Variants in LTBP1 observed in about 807,000 individuals in gnomAD.
The protein encoded by LTBP1 is latent transforming growth factor beta binding protein 1, also known as latent-transforming growth factor beta-binding protein 1.
A neutral mutation model predicts 207.6 loss-of-function variants in LTBP1; 129 were observed. The ratio of observed to expected loss-of-function variants is 0.62; its 90% confidence interval spans 0.54 to 0.72. The LOEUF (loss-of-function observed/expected upper bound fraction) is 0.72, where lower values mean the gene tolerates loss of function less well. Among genes scored for constraint, LTBP1 ranks in the 30% least tolerant of loss-of-function variants. The probability of loss-of-function intolerance (pLI) is 0.00; values close to 1 mark genes in which losing one functional copy is unlikely to be tolerated. For missense variants in LTBP1, 2,281 were observed against 2,217.2 expected (o/e 1.03, Z -0.58); for synonymous variants, 963 against 833.7 (o/e 1.16, Z -2.67).
intron 4 of LTBP1, among the ~76,000 whole-genome samples, chr2:33,126,170 A>C (rs2081421199): frequency 6.6e-6 from 1 of 152,082 alleles, no homozygotes. Context: ...AGACCACGAC[A>C]GAAGCCACAG....
intron 3 of LTBP1, among the ~76,000 whole-genome samples, chr2:33,023,341 AC>A (rs1401358365): frequency 5.3e-5 from 8 of 152,168 alleles, no homozygotes; most frequent in African/African-American, 1.9e-4. Context: ...GTTAGTAAGA[AC>A]CGTATGTCGG....
intron 31 of LTBP1, among the ~76,000 whole-genome samples, chr2:33,382,182 C>T (rs2095223907): frequency 6.9e-6 from 1 of 145,800 alleles, no homozygotes; most frequent in Non-Finnish European, 1.5e-5. Flanking sequence ...GCAACCTCCA[C>T]CTCCCGAGTT....
intron 9 of LTBP1, among the ~76,000 whole-genome samples, chr2:33,231,849 T>C (rs2091809649): frequency 6.6e-6 from 1 of 152,198 alleles, no homozygotes; most frequent in Non-Finnish European, 1.5e-5. Context: ...GGGAAAACAC[T>C]TACTGGATTT....
intron 3 of LTBP1, among the ~76,000 whole-genome samples, chr2:33,091,868 CT>C (rs2079114137): frequency 2.0e-5 from 3 of 152,172 alleles, no homozygotes; most frequent in Non-Finnish European, 4.4e-5. Flanking sequence ...TGGAGTTCCA[CT>C]TTCAGAGTGA....
intron 2 of LTBP1, among the ~76,000 whole-genome samples, chr2:33,004,815 A>ATATATATATATATATAT (rs1558501551): frequency 1.4e-5 from 2 of 143,628 alleles, no homozygotes; most frequent in Non-Finnish European, 3.0e-5. Context: ...ATATATATAT[A>ATATATATATATATATAT]AACATAAAAT....
At chr2:33,211,463 C>A (rs2090305615) in intron 7 of LTBP1, among the ~76,000 whole-genome samples, 2 of 152,206 alleles carry the variant, frequency 1.3e-5, no homozygotes, top group Admixed American at 1.3e-4. Flanking sequence ...GGACAAGCAT[C>A]ATTTAATCTC....
rs888242889 is a variant in LTBP1, at chr2:33,134,383, T to G, written c.1034-410T>G. ...TATGCAAGTTGAGGACACAAGAGTT[T>G]ATTCACCGCTAGGTGCACGGCCAAC... On this transcript the variant is annotated intron_variant, in intron 4 of 33. Transcript: ENST00000404816. The surrounding 1 kb of genome is among the most constrained non-coding windows in gnomAD (Gnocchi z 4.4). The G allele has an allele frequency of 8.2e-6, 4 of 485,232 alleles. No individual in the cohort carries two copies. The highest frequency in any genetic ancestry group is 7.9e-5 in the African/African-American group (4 of 50,672). The allele number at this position is 485,232 out of a possible 1,614,324, so 30.1% of individuals were successfully genotyped here.
intron 24 of LTBP1, among the ~76,000 whole-genome samples, chr2:33,319,798 C>A (rs1034521619): frequency 2.6e-5 from 4 of 152,202 alleles, no homozygotes; most frequent in African/African-American, 9.6e-5. Context: ...ACAGAGGGAG[C>A]ACCAGCAGCT....
intron 3 of LTBP1, among the ~76,000 whole-genome samples, chr2:33,082,450 T>A (rs1056087453): frequency 6.2e-4 from 84 of 136,230 alleles, no homozygotes; most frequent in Middle Eastern, 3.6e-3. Flanking sequence ...TTTTTTTTTT[T>A]TTTTTTTTTT....
intron 2 of LTBP1, among the ~76,000 whole-genome samples, chr2:32,970,509 A>G (rs548602807): frequency 6.6e-6 from 1 of 152,296 alleles, no homozygotes; most frequent in East Asian, 1.9e-4. Flanking sequence ...CATTTATTGA[A>G]TAAGGAGTCT....
intron 2 of LTBP1, among the ~76,000 whole-genome samples, chr2:32,997,040 A>G (rs559996985): frequency 6.6e-6 from 1 of 152,198 alleles, no homozygotes; most frequent in African/African-American, 2.4e-5. Context: ...GCACACCACC[A>G]TGCCTGGCTA....
At chr2:32,979,489 T>C (rs905529455) in intron 2 of LTBP1, among the ~76,000 whole-genome samples, 1 of 152,164 alleles carries the variant, frequency 6.6e-6, no homozygotes, top group African/African-American at 2.4e-5. Flanking sequence ...TTCCATGTGT[T>C]TGTATAGTTT....
rs370346716 is a variant in LTBP1 at position 33,243,622 on chromosome 2, G to C, written c.1877-40G>C. The C allele has an allele frequency of 1.4e-5, 23 of 1,608,338 alleles. No individual in the cohort carries two copies. In the African/African-American group the frequency reaches 2.7e-4, roughly 19 times the overall value. On this transcript the variant is annotated intron_variant, in intron 9 of 33. Coordinates refer to ENST00000404816, the MANE Select transcript of LTBP1 (RefSeq NM_206943.4). ...TGTATAGCCAGAATCTGCTCAATGG[G>C]GCTTGACTGCTCCTTCTAAAGAATT...
chr2:33,072,623 C>CAGA (rs2077848430), intron 3 of LTBP1, among the ~76,000 whole-genome samples: 1 of 152,100 alleles, frequency 6.6e-6, no homozygotes, highest in Non-Finnish European at 1.5e-5. Flanking sequence ...GAAAGGAAGG[C>CAGA]AGAAGGTCAG....
chr2:32,998,397 TC>T (rs924875332), intron 2 of LTBP1, among the ~76,000 whole-genome samples: 2 of 151,160 alleles, frequency 1.3e-5, no homozygotes, highest in African/African-American at 2.4e-5. Flanking sequence ...GCGCCTGTAA[TC>T]CCAGCTACTC....
intron 3 of LTBP1, among the ~76,000 whole-genome samples, chr2:33,057,703 G>A (rs979769065): frequency 5.1e-4 from 77 of 152,350 alleles, no homozygotes; most frequent in African/African-American, 1.7e-3. Context: ...GGGCCGGCAC[G>A]GCTGGCCGGC....
intron 19 of LTBP1, among the ~76,000 whole-genome samples, chr2:33,288,803 C>T (rs1474390630): frequency 6.7e-6 from 1 of 148,980 alleles, no homozygotes; most frequent in East Asian, 2.0e-4. Flanking sequence ...TGCAGTGAGC[C>T]GAGATCGCAC....
intron 2 of LTBP1, among the ~76,000 whole-genome samples, chr2:32,953,194 C>T (rs867926814): frequency 1.3e-5 from 2 of 152,304 alleles, no homozygotes; most frequent in African/African-American, 2.4e-5. Flanking sequence ...GTCACATGCA[C>T]CCTTGGTGCT....
chr2:32,988,043 C>T (rs1572957255), intron 2 of LTBP1, among the ~76,000 whole-genome samples: 1 of 152,162 alleles, frequency 6.6e-6, no homozygotes, highest in Admixed American at 6.5e-5. Flanking sequence ...TGAAGTGTCA[C>T]AGCCACAAGC....
Sources: gnomAD v4.1 joint callset for allele counts (sites outside exome capture counted in the v4.1 genomes callset) on GRCh38, gnomAD v4.1.1 for gene constraint, Gnocchi (gnomAD v3.1) non-coding constraint, MANE v1.5 for transcripts, NCBI Gene and HGNC (gene_info 2026-07-23, HGNC 2026-07-21) for gene names.